Variants in SS18 observed in about 807,000 individuals in gnomAD.
SS18 encodes SS18 subunit of BAF chromatin remodeling complex.
SS18 carries 28 observed loss-of-function variants against 72.5 expected under a neutral mutation model. The observed-to-expected ratio is 0.39, with a 90% CI of 0.29 to 0.53. The LOEUF (loss-of-function observed/expected upper bound fraction) is 0.53, where lower values mean the gene tolerates loss of function less well. SS18 is among the 20% of genes least tolerant of loss of function. The pLI is 0.76. For synonymous variants in SS18, 172 were observed against 164.2 expected, an observed-to-expected ratio of 1.05 and a Z score of -0.37; for missense variants, 518 against 535.3, an observed-to-expected ratio of 0.97 and a Z score of 0.32.
At chr18:26,052,556 C>G in intron 5 of SS18, 68 bp downstream of exon 5, 1 of 1,293,324 alleles carries the variant, frequency 7.7e-7, no homozygotes, top group Non-Finnish European at 1.1e-6. Context: ...AAGAACCTGA[C>G]AACAATCATT....
intron 4 of SS18, among the ~76,000 whole-genome samples, chr18:26,054,519 A>C (rs1031293067): frequency 2.6e-5 from 4 of 152,144 alleles, no homozygotes; most frequent in African/African-American, 9.7e-5. Context: ...TTCCATCCTA[A>C]ATGTTCGAAT....
intron 3 of SS18, among the ~76,000 whole-genome samples, chr18:26,059,743 C>T (rs1186976075): frequency 6.6e-6 from 1 of 152,220 alleles, no homozygotes; most frequent in Non-Finnish European, 1.5e-5. Flanking sequence ...ACTTAATTCT[C>T]TTTGGAGCAA....
intron 3 of SS18, among the ~76,000 whole-genome samples, chr18:26,066,442 G>C (rs1216414766): frequency 1.3e-5 from 2 of 151,996 alleles, no homozygotes; most frequent in Non-Finnish European, 2.9e-5. Context: ...TCACCCTCAA[G>C]CCGCCTTATC....
chr18:26,043,735 G>A (rs1452025589), intron 5 of SS18, among the ~76,000 whole-genome samples: 1 of 152,140 alleles, frequency 6.6e-6, no homozygotes, highest in South Asian at 2.1e-4. Flanking sequence ...AGGATGACTA[G>A]CCCAGTTCAG....
intron 10 of SS18, among the ~76,000 whole-genome samples, chr18:26,019,409 C>T (rs948070679): frequency 6.6e-6 from 1 of 152,102 alleles, no homozygotes; most frequent in African/African-American, 2.4e-5. Flanking sequence ...TACTTCTCTA[C>T]CATAAGAAAT....
chr18:26,025,252 C>T (rs2053425680), intron 10 of SS18, among the ~76,000 whole-genome samples: 1 of 151,938 alleles, frequency 6.6e-6, no homozygotes. Flanking sequence ...TAGAAAGAAA[C>T]ATCTATATTA....
intron 3 of SS18, among the ~76,000 whole-genome samples, chr18:26,065,248 G>A (rs2054192070): frequency 6.6e-6 from 1 of 152,106 alleles, no homozygotes; most frequent in African/African-American, 2.4e-5. Context: ...GCATGAAAAT[G>A]CAAAGGACCC....
At chr18:26,047,766 C>A (rs2053854546) in intron 5 of SS18, among the ~76,000 whole-genome samples, 1 of 152,130 alleles carries the variant, frequency 6.6e-6, no homozygotes, top group African/African-American at 2.4e-5. Flanking sequence ...TGGCATGAAC[C>A]CAGGAGGCAG....
In SS18 at chr18:26,062,813, C is replaced by T. The variant is rs1003242551; in HGVS notation, c.232-5071G>A. On this transcript the variant is annotated intron_variant, in intron 3 of 10. Coordinates refer to ENST00000415083, the MANE Select transcript of SS18 (RefSeq NM_001007559.3). ...ATGCTTTATTACGATAAAAGTTCAA[C>T]AGGAATGTTTAACAATCATAAATGT... Among the ~76,000 whole-genome samples the T allele has an allele frequency of 5.9e-5, 9 of 152,236 alleles. No homozygotes were observed. In the East Asian group the frequency reaches 1.5e-3, roughly 26 times the overall value.
At position 26,039,285 on chromosome 18, in the gene SS18, T is replaced by A. The variant is rs1259856254; in HGVS notation, c.775+4A>T. ...AGTAGCAAATTTTCCAAATGGAATC[T>A]TACCCTGTTGAGGAGGTCTATAGGG... is the stretch of plus-strand genomic sequence containing the variant. On this transcript the variant is annotated splice_donor_region_variant and intron_variant, in intron 6 of 10. Transcript: ENST00000415083. 6.2e-7 allele frequency: 1 copy of A among 1,600,282 alleles called. No homozygotes were observed. Among genetic ancestry groups the A allele is most frequent in the African/African-American group, 1.3e-5 (1 of 74,672 alleles).
chr18:26,056,494 T>C (rs756126385), intron 4 of SS18, among the ~76,000 whole-genome samples: 1 of 152,164 alleles, frequency 6.6e-6, no homozygotes, highest in Non-Finnish European at 1.5e-5. Context: ...TAGCAGGAAA[T>C]AGGAGACAGC....
chr18:26,018,809 G>T lies in SS18; in HGVS notation c.1231-429C>A, dbSNP rs115743717. ...TAATTATTACAAATGAACATCAAGGGTATTTGCAATAAGTGGCAAGTGAAA... is the reference window on the plus strand; with the variant it reads ...TAATTATTACAAATGAACATCAAGGTTATTTGCAATAAGTGGCAAGTGAAA... On this transcript the variant is annotated intron_variant, in intron 10 of 10. Transcript: ENST00000415083. Among the ~76,000 whole-genome samples, 1,254 of 152,234 alleles carry T rather than the reference G, an allele frequency of 8.2e-3. 17 individuals carry two copies. The highest frequency in any genetic ancestry group is 0.029 in the African/African-American group (1,196 of 41,534).
At chr18:26,087,709 A>G in intron 1 of SS18, 132 bp from the exon 2 acceptor site, 1 of 507,582 alleles carries the variant, frequency 2.0e-6, no homozygotes. Context: ...CCCTTAACAA[A>G]ATACTGTCCC....
chr18:26,065,116 A>G lies in SS18; in HGVS notation c.232-7374T>C, dbSNP rs369186130. ...AGGATATGCCATCTTTGTTGACTGGAAGATTTATTAATAATATTGTAGAGG... is the reference window on the plus strand; with the variant it reads ...AGGATATGCCATCTTTGTTGACTGGGAGATTTATTAATAATATTGTAGAGG... On this transcript the variant is annotated intron_variant, in intron 3 of 10. Transcript: ENST00000415083. 5.7e-3 allele frequency among the ~76,000 whole-genome samples: 875 copies of G among 152,256 alleles called. 13 individuals are homozygous for G. Among genetic ancestry groups the G allele is most frequent in the African/African-American group, 0.02 (840 of 41,564 alleles).
intron 5 of SS18, among the ~76,000 whole-genome samples, chr18:26,046,290 A>G (rs1214217749): frequency 1.4e-5 from 2 of 138,416 alleles, no homozygotes; most frequent in East Asian, 1.9e-4. Flanking sequence ...CCTGTCAAGA[A>G]TAATTTAAAA....
At chr18:26,073,416 A>G (rs2054351653) in intron 3 of SS18, among the ~76,000 whole-genome samples, 1 of 152,236 alleles carries the variant, frequency 6.6e-6, no homozygotes, top group Non-Finnish European at 1.5e-5. Context: ...ACCAAAAGAA[A>G]GTAAAAGGGA....
At chr18:26,024,431 C>T (rs12960194) in intron 10 of SS18, among the ~76,000 whole-genome samples, 8,419 of 152,254 alleles carry the variant, frequency 0.055, 268 homozygotes, top group East Asian at 0.12. Context: ...TTCATGCAAT[C>T]TTCTGCCTCA....
chr18:26,018,509 T>G, intron 10 of SS18, 129 bp from the exon 11 acceptor site: 1 of 615,080 alleles, frequency 1.6e-6, no homozygotes. Flanking sequence ...AAACAAAATT[T>G]TTTTATATCG....
At chr18:26,077,966 G>A in intron 3 of SS18, 110 bp downstream of exon 3, 1 of 679,458 alleles carries the variant, frequency 1.5e-6, no homozygotes, top group Non-Finnish European at 2.4e-6. Flanking sequence ...CATGTTCTCA[G>A]AGTAAAGCAG....
Sources: gnomAD v4.1 joint callset for allele counts (sites outside exome capture counted in the v4.1 genomes callset) on GRCh38, gnomAD v4.1.1 for gene constraint, MANE v1.5 for transcripts, NCBI Gene and HGNC (gene_info 2026-07-23, HGNC 2026-07-21) for gene names.